NAALADL2: variants seen among roughly 807,000 people sequenced by gnomAD.
NAALADL2 encodes N-acetylated alpha-linked acidic dipeptidase like 2.
NAALADL2 carries 76 observed loss-of-function variants against 87.2 expected under a neutral mutation model. The observed-to-expected ratio is 0.87, with a 90% CI of 0.72 to 1.05. The LOEUF (loss-of-function observed/expected upper bound fraction) is 1.05, where lower values mean the gene tolerates loss of function less well. Ranked by LOEUF, NAALADL2 falls within the 50% of genes least tolerant of loss-of-function variation. The probability of loss-of-function intolerance (pLI) is 0.00; values close to 1 mark genes in which losing one functional copy is unlikely to be tolerated. For missense variants in NAALADL2, 1,089 were observed against 945.8 expected, an observed-to-expected ratio of 1.15 and a Z score of -1.99; for synonymous variants, 354 against 331.0, an observed-to-expected ratio of 1.07 and a Z score of -0.75.
intron 1 of NAALADL2, among the ~76,000 whole-genome samples, chr3:174,514,032 T>C (rs1364107728): frequency 6.6e-6 from 1 of 152,170 alleles, no homozygotes; most frequent in East Asian, 1.9e-4. Context: ...GCAAATTAGC[T>C]ATCCTTATTT....
At chr3:175,458,076 C>T (rs968627512) in intron 6 of NAALADL2, among the ~76,000 whole-genome samples, 2 of 151,914 alleles carry the variant, frequency 1.3e-5, no homozygotes, top group African/African-American at 4.8e-5. Context: ...CATTATTCTT[C>T]GGGTATTTCT....
chr3:175,077,212 G>C (rs1041345757), intron 1 of NAALADL2, among the ~76,000 whole-genome samples: 15 of 152,150 alleles, frequency 9.9e-5, no homozygotes, highest in African/African-American at 3.1e-4. Flanking sequence ...TAAAAAATGA[G>C]CATTTATTTC....
In NAALADL2 at chr3:174,765,123, T is replaced by TAC. The variant is rs10543370; in HGVS notation, c.-9+27396_-9+27397dup. ...AAATACACACAGAAATACACACACA[T>TAC]ACACACACACACACACACACGAGAG... On this transcript the variant is annotated intron_variant, in intron 3 of 3. Transcript: ENST00000434257. Among the ~76,000 whole-genome samples the TAC allele has an allele frequency of 6.2e-3, 740 of 119,052 alleles. 9 individuals carry two copies. Among genetic ancestry groups the TAC allele is most frequent in the African/African-American group, 0.018 (628 of 35,614 alleles). 78.1% of individuals were successfully genotyped at this position (119,052 alleles called of 152,430 possible).
intron 2 of NAALADL2, among the ~76,000 whole-genome samples, chr3:174,603,081 A>G (rs1484779242): frequency 6.6e-6 from 1 of 151,622 alleles, no homozygotes; most frequent in Non-Finnish European, 1.5e-5. Context: ...ATATTTTTTT[A>G]TTTGTCTTGG....
intron 5 of NAALADL2, among the ~76,000 whole-genome samples, chr3:175,339,313 A>T (rs1004226812): frequency 1.2e-4 from 18 of 152,220 alleles, no homozygotes; most frequent in Admixed American, 8.5e-4. Flanking sequence ...GCTGAGTGCC[A>T]TGTGAAAAGT....
intron 5 of NAALADL2, among the ~76,000 whole-genome samples, chr3:175,345,390 G>A (rs978526968): frequency 6.6e-6 from 1 of 152,074 alleles, no homozygotes; most frequent in African/African-American, 2.4e-5. Context: ...ACCGTCTGAT[G>A]AATCTTCTTT....
At chr3:175,636,586 T>C (rs1560892119) in intron 11 of NAALADL2, among the ~76,000 whole-genome samples, 1 of 149,286 alleles carries the variant, frequency 6.7e-6, no homozygotes, top group Non-Finnish European at 1.5e-5. Context: ...GTAATCCCAG[T>C]ACATGGGAAG....
At chr3:174,860,020 G>T (rs1199949129) in intron 1 of NAALADL2, among the ~76,000 whole-genome samples, 1 of 152,070 alleles carries the variant, frequency 6.6e-6, no homozygotes, top group Non-Finnish European at 1.5e-5. Context: ...GAAAGGACTG[G>T]CTTTGTTGAC....
intron 11 of NAALADL2, among the ~76,000 whole-genome samples, chr3:175,659,345 C>T (rs1009661837): frequency 6.6e-6 from 1 of 152,094 alleles, no homozygotes; most frequent in Non-Finnish European, 1.5e-5. Flanking sequence ...AGATTTATCA[C>T]AACATTTTAA....
rs960225769 is a variant in NAALADL2, at chr3:175,540,164, A to G, written c.1654-35877A>G. Among the ~76,000 whole-genome samples the G allele has an allele frequency of 1.1e-4, 16 of 152,346 alleles. 1 individual carries two copies. The highest frequency in any genetic ancestry group is 7.8e-4 in the Admixed American group (12 of 15,300). On this transcript the variant is annotated intron_variant, in intron 9 of 13. Coordinates refer to ENST00000454872, the MANE Select transcript of NAALADL2 (RefSeq NM_207015.3). ...GATGATGTAATGTCAGTTGATAATA[A>G]GTGCTGTGAAGAAAAACAAAGGAGG... is the stretch of plus-strand genomic sequence containing the variant.
chr3:174,572,707 A>C (rs1194850187), intron 2 of NAALADL2, among the ~76,000 whole-genome samples: 1 of 152,232 alleles, frequency 6.6e-6, no homozygotes, highest in Non-Finnish European at 1.5e-5. Context: ...TCTATATAGC[A>C]CAACAACCAA....
At chr3:175,320,679 A>G (rs1352571837) in intron 4 of NAALADL2, among the ~76,000 whole-genome samples, 1 of 152,218 alleles carries the variant, frequency 6.6e-6, no homozygotes, top group African/African-American at 2.4e-5. Flanking sequence ...AATGGTCACA[A>G]CAACTCTCCT....
chr3:174,627,138 G>T (rs1721651198), intron 2 of NAALADL2, among the ~76,000 whole-genome samples: 1 of 152,058 alleles, frequency 6.6e-6, no homozygotes. Context: ...GAATCTATCA[G>T]ATATCTGTAG....
intron 2 of NAALADL2, among the ~76,000 whole-genome samples, chr3:175,213,498 CA>C (rs774700503): frequency 2.0e-5 from 3 of 152,026 alleles, no homozygotes; most frequent in Non-Finnish European, 2.9e-5. Flanking sequence ...ATATCAAAAT[CA>C]AATGAAGACA....
At chr3:175,343,570 C>G (rs907266195) in intron 5 of NAALADL2, among the ~76,000 whole-genome samples, 5 of 150,890 alleles carry the variant, frequency 3.3e-5, no homozygotes, top group Non-Finnish European at 2.9e-5. Context: ...TTGGTGATTT[C>G]TAGTTCACTG....
chr3:174,870,007 CAAAAAAA>C (rs71624295), intron 1 of NAALADL2, among the ~76,000 whole-genome samples: 4 of 62,862 alleles, frequency 6.4e-5, no homozygotes, highest in Non-Finnish European at 8.8e-5. Context: ...CCCCACCCGC[CAAAAAAA>C]AAAAAAAAAA....
At chr3:174,442,323 C>A (rs1337005334) in intron 1 of NAALADL2, among the ~76,000 whole-genome samples, 1 of 152,014 alleles carries the variant, frequency 6.6e-6, no homozygotes, top group African/African-American at 2.4e-5. Flanking sequence ...TTTCCCACAC[C>A]CCAAGAATTC....
At chr3:174,462,095 G>T (rs1171822060) in intron 1 of NAALADL2, among the ~76,000 whole-genome samples, 9 of 151,552 alleles carry the variant, frequency 5.9e-5, no homozygotes, top group Admixed American at 5.9e-4. Flanking sequence ...AAAATATTCT[G>T]TCATTTAATA....
At chr3:174,471,203 T>C (rs1716877506) in intron 1 of NAALADL2, among the ~76,000 whole-genome samples, 1 of 151,924 alleles carries the variant, frequency 6.6e-6, no homozygotes, top group African/African-American at 2.4e-5. Context: ...GTTAAAACCT[T>C]ACTTTTTTTT....
Sources: allele counts gnomAD v4.1 joint callset (sites outside exome capture counted in the v4.1 genomes callset), GRCh38; gene constraint gnomAD v4.1.1; transcripts MANE v1.5; gene names NCBI Gene and HGNC (gene_info 2026-07-23, HGNC 2026-07-21).